Variants in AFF2 observed in about 807,000 individuals in gnomAD.
AFF2 encodes the protein AF4/FMR2 family member 2.
Under a neutral mutation model 76.9 loss-of-function variants are expected in AFF2, and 14 were observed. The ratio of observed to expected loss-of-function variants is 0.18; its 90% confidence interval spans 0.12 to 0.28. AFF2 has a LOEUF of 0.28. Among genes scored for constraint, AFF2 ranks in the 10% least tolerant of loss-of-function variants. The probability of loss-of-function intolerance (pLI) is 1.00; values close to 1 mark genes in which losing one functional copy is unlikely to be tolerated. For missense variants in AFF2, 868 were observed against 1,001.1 expected, an observed-to-expected ratio of 0.87 and a Z score of 1.79; for synonymous variants, 398 against 366.7, an observed-to-expected ratio of 1.09 and a Z score of -0.98.
chrX:148,614,737 C>CTTTTCT (rs2053773995), intron 1 of AFF2, among the ~76,000 whole-genome samples: 2 of 46,408 alleles, frequency 4.3e-5, no homozygotes, highest in Non-Finnish European at 7.7e-5. Flanking sequence ...TTCTTTCCTT[C>CTTTTCT]TTTTCTTTCT....
intron 3 of AFF2, among the ~76,000 whole-genome samples, chrX:148,762,362 C>T (rs1426649364): frequency 7.8e-5 from 8 of 103,031 alleles, no homozygotes; most frequent in Non-Finnish European, 1.2e-4. Flanking sequence ...CAGGTAGCTG[C>T]GAATGCCATT....
intron 3 of AFF2, among the ~76,000 whole-genome samples, chrX:148,751,718 G>T (rs782751010): frequency 3.6e-5 from 4 of 111,530 alleles, no homozygotes; most frequent in Non-Finnish European, 7.5e-5. Context: ...AAAAATGGTG[G>T]TATTGACAGC....
At chrX:148,762,420 TACACATGCACAC>T (rs2069460395) in intron 3 of AFF2, among the ~76,000 whole-genome samples, 3 of 101,114 alleles carry the variant, frequency 3.0e-5, no homozygotes, top group African/African-American at 1.3e-4. Context: ...TATATATATA[TACACATGCACAC>T]ATATATATGC....
chrX:148,705,373 A>T (rs1557262309), intron 3 of AFF2, among the ~76,000 whole-genome samples: 1 of 112,155 alleles, frequency 8.9e-6, no homozygotes, highest in Non-Finnish European at 1.9e-5. Flanking sequence ...TTAACATGGG[A>T]TGTAGTGATC....
intron 3 of AFF2, among the ~76,000 whole-genome samples, chrX:148,777,525 C>A (rs2124607615): frequency 8.9e-6 from 1 of 111,829 alleles, no homozygotes; most frequent in African/African-American, 3.3e-5. Context: ...TCTCTTATTT[C>A]TTTGAGCAGT....
rs200724738 is a variant in AFF2, at chrX:148,569,328, AAACC to A, written c.47+68186_47+68189del. On this transcript the variant is annotated intron_variant, in intron 1 of 20. Coordinates refer to ENST00000370460, the MANE Select transcript of AFF2 (RefSeq NM_002025.4). Reference sequence around the variant, plus strand: ...ATTCCTTTCTACTTTCCCTAAGAACAAACCATGTTAGTACTTAACATTTCGCTTT... The same window carrying A: ...ATTCCTTTCTACTTTCCCTAAGAACAATGTTAGTACTTAACATTTCGCTTT... 9.1e-3 allele frequency among the ~76,000 whole-genome samples: 1,019 copies of A among 111,605 alleles called. 13 individuals are homozygous for A. The highest frequency in any genetic ancestry group is 0.03 in the African/African-American group (932 of 30,723).
intron 3 of AFF2, among the ~76,000 whole-genome samples, chrX:148,739,459 G>C (rs1801740612): frequency 9.0e-6 from 1 of 111,097 alleles, no homozygotes; most frequent in Non-Finnish European, 1.9e-5. Context: ...CCCCCTGCTT[G>C]CTTTTGGTGT....
At chrX:148,625,732 TA>T in intron 1 of AFF2, among the ~76,000 whole-genome samples, 1 of 111,994 alleles carries the variant, frequency 8.9e-6, no homozygotes. Flanking sequence ...TCAGCCATTC[TA>T]ACTTAGAAGG....
At chrX:148,686,785 G>A (rs1029894774) in intron 3 of AFF2, among the ~76,000 whole-genome samples, 1 of 111,070 alleles carries the variant, frequency 9.0e-6, no homozygotes, top group Non-Finnish European at 1.9e-5. Flanking sequence ...GCCTCCTATT[G>A]GGGTCCTTTG....
chrX:148,691,217 C>T (rs2054647955), intron 3 of AFF2, among the ~76,000 whole-genome samples: 1 of 111,658 alleles, frequency 9.0e-6, no homozygotes, highest in Admixed American at 9.5e-5. Context: ...ATGAATTGGT[C>T]CAACATAGAA....
At chrX:148,818,277 TGTATG>T (rs1352831784) in intron 4 of AFF2, among the ~76,000 whole-genome samples, 1 of 111,969 alleles carries the variant, frequency 8.9e-6, no homozygotes, top group Non-Finnish European at 1.9e-5. Context: ...GCAAAATAAA[TGTATG>T]GCAAAAAATA....
intron 1 of AFF2, among the ~76,000 whole-genome samples, chrX:148,619,383 G>A (rs1403685305): frequency 8.9e-6 from 1 of 111,952 alleles, no homozygotes; most frequent in African/African-American, 3.2e-5. Flanking sequence ...GCTGAGCCCA[G>A]AGGTTGCATT....
intron 1 of AFF2, among the ~76,000 whole-genome samples, chrX:148,509,738 A>C (rs2052462555): frequency 8.9e-6 from 1 of 112,195 alleles, no homozygotes; most frequent in Non-Finnish European, 1.9e-5. Flanking sequence ...TTTGTTTGTT[A>C]GGTGTGTACC....
intron 3 of AFF2, among the ~76,000 whole-genome samples, chrX:148,705,144 C>T (rs2054866895): frequency 8.9e-6 from 1 of 112,187 alleles, no homozygotes; most frequent in Non-Finnish European, 1.9e-5. Context: ...TCTGATACTT[C>T]TACCTTTTCT....
At chrX:148,569,650 T>C (rs983886019) in intron 1 of AFF2, among the ~76,000 whole-genome samples, 13 of 111,406 alleles carry the variant, frequency 1.2e-4, no homozygotes, top group African/African-American at 3.9e-4. Context: ...GATAACTGTG[T>C]GTGTGTTTGA....
At chrX:148,833,381 T>A (rs2070478687) in intron 4 of AFF2, among the ~76,000 whole-genome samples, 1 of 111,079 alleles carries the variant, frequency 9.0e-6, no homozygotes, top group Non-Finnish European at 1.9e-5. Flanking sequence ...GGCAGACTGA[T>A]CACAAGGTCA....
chrX:148,731,092 C>T (rs1295926890), intron 3 of AFF2, among the ~76,000 whole-genome samples: 2 of 111,445 alleles, frequency 1.8e-5, no homozygotes, highest in Non-Finnish European at 3.8e-5. Context: ...TGCTCTACCC[C>T]CAAAAAGATC....
chrX:148,834,845 G>C (rs979343296), intron 4 of AFF2, among the ~76,000 whole-genome samples: 1 of 112,005 alleles, frequency 8.9e-6, no homozygotes, highest in Non-Finnish European at 1.9e-5. Context: ...AAGTGAAAGA[G>C]CTTGCTTGCT....
chrX:148,873,713 A>G (rs1305095472), intron 7 of AFF2, among the ~76,000 whole-genome samples: 2 of 110,979 alleles, frequency 1.8e-5, no homozygotes, highest in African/African-American at 3.3e-5. Flanking sequence ...GCTTACCTCA[A>G]TAAGTCTTAG....
Sources: gnomAD v4.1 joint callset for allele counts (sites outside exome capture counted in the v4.1 genomes callset) on GRCh38, gnomAD v4.1.1 for gene constraint, MANE v1.5 for transcripts, NCBI Gene and HGNC (gene_info 2026-07-23, HGNC 2026-07-21) for gene names.